The following PUM2 variants were observed in gnomAD, a reference collection of about 807,000 sequenced individuals.
PUM2 encodes pumilio RNA binding family member 2, also known as pumilio homolog 2.
Under a neutral mutation model 124.5 loss-of-function variants are expected in PUM2, and 57 were observed. The ratio of observed to expected loss-of-function variants is 0.46; its 90% CI spans 0.37 to 0.57. The LOEUF is 0.57. Ranked by LOEUF, PUM2 falls within the 20% of genes least tolerant of loss-of-function variation. The pLI is 0.00. For synonymous variants in PUM2, 460 were observed against 446.1 expected (o/e 1.03, Z -0.39); for missense variants, 1,065 against 1,290.6 (o/e 0.83, Z 2.68).
chr2:20,275,134 T>C (rs931506302), intron 13 of PUM2, among the ~76,000 whole-genome samples: 16 of 151,894 alleles, frequency 1.1e-4, no homozygotes, highest in African/African-American at 1.7e-4. Flanking sequence ...GTATAAACTA[T>C]TAATCCTAAA....
At chr2:20,252,272 T>G (rs1663590318) in intron 20 of PUM2, among the ~76,000 whole-genome samples, 1 of 152,038 alleles carries the variant, frequency 6.6e-6, no homozygotes, top group Admixed American at 6.6e-5. Flanking sequence ...TAAACAAAAC[T>G]AAAAGCATGC....
intron 16 of PUM2, 139 bp downstream of exon 16, chr2:20,258,104 G>T: frequency 1.3e-6 from 1 of 746,132 alleles, no homozygotes; most frequent in Non-Finnish European, 2.1e-6. Flanking sequence ...GTGCTATTTA[G>T]GACACAGTAA....
Position 20,311,589 on chromosome 2 carries a change from G to A in PUM2, c.423C>T (p.Asp141=), listed in dbSNP as rs779931152. ...CTCCTTGTTTAAGATCTCTGTTTTG[G>A]TCCTCCTCAAATGGAGAAGCCTTGC... ...QKGKASPFEE[D]QNRDLKQGDD... is the part of the protein sequence containing the mutation. The change falls in exon 5 of 21, where the codon GAC becomes GAT. Residue 141 remains aspartate, a synonymous_variant. Transcript: ENST00000361078. 6.2e-7 allele frequency: 1 copy of A among 1,612,928 alleles called. No homozygotes were observed. The highest frequency in any genetic ancestry group is 1.1e-5 in the South Asian group (1 of 90,970).
chr2:20,253,751 G>A, intron 20 of PUM2, 71 bp downstream of exon 20: 1 of 1,353,964 alleles, frequency 7.4e-7, no homozygotes, highest in Non-Finnish European at 1.0e-6. Context: ...GGAAATGAAA[G>A]CCCAAGGAGG....
intron 10 of PUM2, among the ~76,000 whole-genome samples, chr2:20,288,664 G>A (rs2148977280): frequency 6.6e-6 from 1 of 152,322 alleles, no homozygotes; most frequent in East Asian, 1.9e-4. Context: ...ATAAAGTACT[G>A]AAGAAAGCTA....
intron 2 of PUM2, among the ~76,000 whole-genome samples, chr2:20,325,133 G>A (rs770279936): frequency 2.0e-5 from 3 of 152,108 alleles, no homozygotes; most frequent in African/African-American, 7.2e-5. Context: ...TGTGAGATGA[G>A]GAAAGATAGA....
At position 20,327,494 on chromosome 2, in the gene PUM2, G is replaced by C. The variant is rs1402916294; in HGVS notation, c.-18-116C>G. ...TATTAGCATGATCTGAGAAAGGGAA[G>C]CACTGATTTCTGTAGGGAAGACAGG... is the stretch of plus-strand genomic sequence containing the variant. On this transcript the variant is annotated intron_variant, in intron 1 of 20. Transcript: ENST00000361078. 6.2e-6 allele frequency: 4 copies of C among 644,722 alleles called. No individual in the cohort carries two copies. The East Asian group carries it at 8.8e-5, about 14-fold the overall frequency. The allele number at this position is 644,722 out of a possible 1,614,324, so 39.9% of individuals were successfully genotyped here. A position where few individuals can be genotyped will look rare whatever the true frequency, so the allele number is the denominator to read the frequency against.
At chr2:20,326,304 C>T in intron 2 of PUM2, 2 of 1,303,926 alleles carry the variant, frequency 1.5e-6, no homozygotes, top group South Asian at 2.5e-5. Context: ...TTGGAAAACG[C>T]TGTTCTGAAG....
intron 16 of PUM2, 134 bp downstream of exon 16, chr2:20,258,109 C>A (rs1665248971): frequency 2.6e-6 from 2 of 779,778 alleles, no homozygotes; most frequent in East Asian, 2.9e-5. Context: ...ATTTAGGACA[C>A]AGTAACAACA....
intron 1 of PUM2, among the ~76,000 whole-genome samples, chr2:20,327,806 A>T (rs920397701): frequency 6.6e-6 from 1 of 152,094 alleles, no homozygotes; most frequent in African/African-American, 2.4e-5. Flanking sequence ...GGCCTGAAGA[A>T]ACCAAAGGAC....
intron 13 of PUM2, among the ~76,000 whole-genome samples, chr2:20,274,957 C>CAAAAAAACAAAAAAAAAAAAAAAA (rs1669866971): frequency 3.2e-5 from 1 of 31,428 alleles, no homozygotes; most frequent in Non-Finnish European, 6.0e-5. Context: ...GAAGTATCTC[C>CAAAAAAACAAAAAAAAAAAAAAAA]AAAAAAAAAA....
At chr2:20,351,066 C>T (rs995677560), upstream of PUM2, among the ~76,000 whole-genome samples, 9 of 152,318 alleles carry the variant, frequency 5.9e-5, no homozygotes, top group Admixed American at 2.6e-4. Flanking sequence ...TCGCGCTTCC[C>T]TCCTGGGCTC....
In PUM2 at chr2:20,290,639, A is replaced by G; in HGVS notation, c.1291+13T>C. On this transcript the variant is annotated intron_variant, in intron 10 of 20. Coordinates refer to ENST00000361078, the MANE Select transcript of PUM2 (RefSeq NM_015317.5). ...AAATCTATTCAAATTTCCACAAATG[A>G]CCAATTGTATACCTGGCATGCCAGT... 6.3e-7 allele frequency: 1 copy of G among 1,595,672 alleles called. No homozygotes were observed. The highest frequency in any genetic ancestry group is 8.5e-7 in the Non-Finnish European group (1 of 1,173,550).
At chr2:20,276,654 T>G (rs1670342019) in intron 13 of PUM2, among the ~76,000 whole-genome samples, 1 of 152,052 alleles carries the variant, frequency 6.6e-6, no homozygotes, top group Admixed American at 6.6e-5. Context: ...CATAGGGAAG[T>G]GCAGAGTAGA....
intron 3 of PUM2, among the ~76,000 whole-genome samples, chr2:20,316,640 G>A (rs1450145529): frequency 2.6e-5 from 4 of 152,182 alleles, no homozygotes; most frequent in Non-Finnish European, 5.9e-5. Flanking sequence ...GAACAAGGTG[G>A]CTCACGCCTG....
At chr2:20,331,185 G>A (rs972862723) in intron 1 of PUM2, among the ~76,000 whole-genome samples, 3 of 151,960 alleles carry the variant, frequency 2.0e-5, no homozygotes, top group South Asian at 4.2e-4. Context: ...AAAGGGTAGG[G>A]GATGAGAAAT....
chr2:20,348,695 C>T (rs1227290807), intron 1 of PUM2, among the ~76,000 whole-genome samples: 2 of 152,002 alleles, frequency 1.3e-5, no homozygotes, highest in South Asian at 4.2e-4. Flanking sequence ...TCTGGGAGGG[C>T]GAGGCGGGAG....
At chr2:20,263,566 C>A (rs916814510) in intron 13 of PUM2, 106 bp from the exon 14 acceptor site, 2 of 1,289,042 alleles carry the variant, frequency 1.6e-6, no homozygotes, top group Non-Finnish European at 2.1e-6. Flanking sequence ...TTTCCCCCCA[C>A]TAATTCCTAC....
intron 13 of PUM2, among the ~76,000 whole-genome samples, chr2:20,274,363 T>C (rs1669698884): frequency 6.6e-6 from 1 of 152,182 alleles, no homozygotes; most frequent in Non-Finnish European, 1.5e-5. Context: ...GCAGGTGGCC[T>C]TACTATCAAC....
Sources: allele counts gnomAD v4.1 joint callset (sites outside exome capture counted in the v4.1 genomes callset), GRCh38; gene constraint gnomAD v4.1.1; transcripts MANE v1.5; gene names NCBI Gene and HGNC (gene_info 2026-07-23, HGNC 2026-07-21).